The following PAX5 variants were observed in gnomAD, a reference collection of about 807,000 sequenced individuals.
PAX5 encodes paired box protein Pax-5.
PAX5 carries 9 observed loss-of-function variants against 43.7 expected under a neutral mutation model. The ratio of observed to expected loss-of-function variants is 0.21; its 90% confidence interval spans 0.12 to 0.36. The LOEUF is 0.36. Ranked by LOEUF, PAX5 falls within the 10% of genes least tolerant of loss-of-function variation. The pLI is 1.00. For missense variants in PAX5, 383 were observed against 532.7 expected, an observed-to-expected ratio of 0.72 and a Z score of 2.77; for synonymous variants, 228 against 214.3, an observed-to-expected ratio of 1.06 and a Z score of -0.56.
chr9:36,966,166 G>A (rs992702710), intron 6 of PAX5, among the ~76,000 whole-genome samples: 12 of 152,262 alleles, frequency 7.9e-5, no homozygotes, highest in Admixed American at 2.6e-4. Flanking sequence ...CCCCCAGGCC[G>A]CGTGCTGGTT....
At chr9:37,022,598 A>G (rs930379891) in intron 1 of PAX5, among the ~76,000 whole-genome samples, 1 of 152,226 alleles carries the variant, frequency 6.6e-6, no homozygotes, top group Non-Finnish European at 1.5e-5. Flanking sequence ...CCTGTTCTCT[A>G]TGTCACTGAC....
At chr9:36,877,151 G>A (rs1275780200) in intron 8 of PAX5, among the ~76,000 whole-genome samples, 1 of 152,118 alleles carries the variant, frequency 6.6e-6, no homozygotes, top group Admixed American at 6.6e-5. Context: ...AGCCTGGACA[G>A]TATGGCAAAA....
intron 8 of PAX5, among the ~76,000 whole-genome samples, chr9:36,852,241 C>T (rs1005144012): frequency 6.6e-6 from 1 of 152,204 alleles, no homozygotes; most frequent in African/African-American, 2.4e-5. Flanking sequence ...CCTGCCCCTT[C>T]ACCCTTTGAT....
intron 7 of PAX5, among the ~76,000 whole-genome samples, chr9:36,908,214 A>C (rs75507185): frequency 1.3e-5 from 2 of 151,130 alleles, no homozygotes; most frequent in South Asian, 2.1e-4. Flanking sequence ...AAAAAAAAGA[A>C]GACTTTTTTT....
At chr9:37,013,540 A>C (rs899921713) in intron 3 of PAX5, among the ~76,000 whole-genome samples, 1 of 152,172 alleles carries the variant, frequency 6.6e-6, no homozygotes, top group African/African-American at 2.4e-5. Context: ...GAAATCCCGC[A>C]AAGAGCCAGA....
intron 7 of PAX5, among the ~76,000 whole-genome samples, chr9:36,916,331 A>G (rs1387471158): frequency 6.6e-6 from 1 of 152,180 alleles, no homozygotes; most frequent in African/African-American, 2.4e-5. Context: ...AGTAACAAAC[A>G]GTTTTAGTTA....
intron 6 of PAX5, among the ~76,000 whole-genome samples, chr9:36,942,794 C>T (rs1832160986): frequency 6.6e-6 from 1 of 152,222 alleles, no homozygotes; most frequent in Admixed American, 6.5e-5. Flanking sequence ...GAGCTTTTAG[C>T]AGAGGAGTTG....
intron 5 of PAX5, among the ~76,000 whole-genome samples, chr9:36,989,284 A>G (rs1836727137): frequency 6.6e-6 from 1 of 152,346 alleles, no homozygotes; most frequent in African/African-American, 2.4e-5. Context: ...ACAGCCTCAT[A>G]CGGATGTCAT....
chr9:36,864,081 C>T (rs1824543962), intron 8 of PAX5, among the ~76,000 whole-genome samples: 1 of 152,228 alleles, frequency 6.6e-6, no homozygotes, highest in Admixed American at 6.5e-5. Flanking sequence ...TACATTCCAG[C>T]CTGGGCATCA....
chr9:36,870,461 C>A (rs1221078559), intron 8 of PAX5, among the ~76,000 whole-genome samples: 5 of 152,128 alleles, frequency 3.3e-5, no homozygotes, highest in Admixed American at 6.6e-5. Flanking sequence ...CTTAGAAATT[C>A]TTTTAAAGGA....
chr9:36,999,723 C>G (rs994467164), intron 5 of PAX5, among the ~76,000 whole-genome samples: 2 of 152,234 alleles, frequency 1.3e-5, no homozygotes, highest in Non-Finnish European at 2.9e-5. Context: ...AGAACCCTCA[C>G]AAATCCATGG....
At chr9:36,868,203 C>T (rs939698685) in intron 8 of PAX5, among the ~76,000 whole-genome samples, 4 of 152,248 alleles carry the variant, frequency 2.6e-5, no homozygotes, top group Non-Finnish European at 4.4e-5. Flanking sequence ...GCACTCAAGC[C>T]CTGTTTAATT....
chr9:36,888,981 T>C (rs1827140716), intron 7 of PAX5, among the ~76,000 whole-genome samples: 1 of 152,188 alleles, frequency 6.6e-6, no homozygotes. Flanking sequence ...AATACAACGA[T>C]CTGAGCATGG....
intron 6 of PAX5, among the ~76,000 whole-genome samples, chr9:36,954,740 T>C (rs1441408234): frequency 6.6e-6 from 1 of 152,222 alleles, no homozygotes; most frequent in East Asian, 1.9e-4. Flanking sequence ...AATCTAATGA[T>C]ACATGTTTCT....
At chr9:36,990,945 A>G (rs899240103) in intron 5 of PAX5, among the ~76,000 whole-genome samples, 19 of 152,170 alleles carry the variant, frequency 1.2e-4, no homozygotes, top group African/African-American at 4.6e-4. Context: ...TCCCATCTCT[A>G]CAAAAAATAC....
At chr9:36,966,482 C>T in intron 6 of PAX5, 67 bp downstream of exon 6, 1 of 1,548,874 alleles carries the variant, frequency 6.5e-7, no homozygotes, top group Non-Finnish European at 8.8e-7. Context: ...GATGCCTCTG[C>T]CTTCAGGAAC....
chr9:36,922,485 G>A (rs377506340), intron 7 of PAX5, among the ~76,000 whole-genome samples: 9 of 152,282 alleles, frequency 5.9e-5, no homozygotes, highest in African/African-American at 1.9e-4. Flanking sequence ...TCGGCTCCAC[G>A]TTACCCCAGC....
At chr9:36,893,990 G>C (rs895953615) in intron 7 of PAX5, among the ~76,000 whole-genome samples, 2 of 152,200 alleles carry the variant, frequency 1.3e-5, no homozygotes, top group Non-Finnish European at 2.9e-5. Flanking sequence ...TCTGGGTCCA[G>C]AGTGGCTCCC....
intron 7 of PAX5, among the ~76,000 whole-genome samples, chr9:36,898,271 C>T (rs1828044488): frequency 2.0e-5 from 3 of 152,218 alleles, no homozygotes; most frequent in Non-Finnish European, 4.4e-5. Flanking sequence ...CCAGCCCAGC[C>T]AACTGCATAT....
Sources: gnomAD v4.1 joint callset for allele counts (sites outside exome capture counted in the v4.1 genomes callset) on GRCh38, gnomAD v4.1.1 for gene constraint, MANE v1.5 for transcripts, NCBI Gene and HGNC (gene_info 2026-07-23, HGNC 2026-07-21) for gene names.